Variants in ANO5 observed in about 807,000 individuals in gnomAD.
ANO5 encodes anoctamin 5, also known as anoctamin-5.
ANO5 carries 109 observed loss-of-function variants against 121.0 expected under a neutral mutation model. The observed-to-expected ratio is 0.90, with a 90% CI of 0.77 to 1.06. The LOEUF is 1.06. Ranked by LOEUF, ANO5 falls within the 50% of genes least tolerant of loss-of-function variation. The pLI is 0.00. For missense variants in ANO5, 1,064 were observed against 1,078.5 expected, an observed-to-expected ratio of 0.99 and a Z score of 0.19; for synonymous variants, 406 against 359.9, an observed-to-expected ratio of 1.13 and a Z score of -1.45.
At chr11:22,200,612 A>G (rs1218602746) in intron 1 of ANO5, among the ~76,000 whole-genome samples, 1 of 152,112 alleles carries the variant, frequency 6.6e-6, no homozygotes, top group Non-Finnish European at 1.5e-5. Flanking sequence ...TATAATGACT[A>G]CTAATATAGT....
intron 5 of ANO5, among the ~76,000 whole-genome samples, chr11:22,224,204 G>A (rs955800823): frequency 7.9e-5 from 12 of 151,900 alleles, no homozygotes; most frequent in African/African-American, 2.9e-4. Context: ...TTACACTGAT[G>A]TATTTGATGA....
intron 9 of ANO5, among the ~76,000 whole-genome samples, chr11:22,245,996 AGCT>A (rs1853601470): frequency 6.6e-6 from 1 of 152,098 alleles, no homozygotes; most frequent in African/African-American, 2.4e-5. Context: ...CTGGACCTGA[AGCT>A]TCCTGTGAGT....
intron 1 of ANO5, among the ~76,000 whole-genome samples, chr11:22,197,162 C>G (rs1851838418): frequency 6.6e-6 from 1 of 152,118 alleles, no homozygotes; most frequent in African/African-American, 2.4e-5. Context: ...CTTAATAGAT[C>G]TAAGATTTAT....
At chr11:22,266,919 T>C (rs998346372) in intron 17 of ANO5, among the ~76,000 whole-genome samples, 5 of 152,148 alleles carry the variant, frequency 3.3e-5, no homozygotes, top group African/African-American at 4.8e-5. Context: ...GAGAGTGCAA[T>C]TGTGTCATTG....
In ANO5 at chr11:22,257,738, C is replaced by T; in HGVS notation, c.1391C>T (p.Ala464Val). 1.2e-6 allele frequency: 2 copies of T among 1,611,436 alleles called. No individual in the cohort carries two copies. The highest frequency in any genetic ancestry group is 1.7e-6 in the Non-Finnish European group (2 of 1,177,824). ...ATTCCATGGTACTTTCTTTCAGGAG[C>T]CACAGTGACATTATGGGTGAGCATT... The part of the protein sequence containing the change: ...TRIPWYFLSG[A>V]TVTLWMSLVV... Residue 464 changes from alanine (A) to valine (V), a missense_variant, in exon 14 of 22, where the codon GCC becomes GTC. Transcript: ENST00000324559.
rs1855015876 is a variant in ANO5 at position 22,279,851 on chromosome 11, A to G, written c.*86A>G. The G allele has an allele frequency of 8.9e-7, 1 of 1,128,968 alleles. No individual in the cohort carries two copies. 69.9% of individuals were successfully genotyped at this position (1,128,968 alleles called of 1,614,324 possible). ...GGCCAGACGCCAGAAGCCATGTGTC[A>G]ATTTTACCCTTTCTTTTTTTTTTTT... On this transcript the variant is annotated 3_prime_UTR_variant, in exon 22 of 22. Coordinates refer to ENST00000324559, the MANE Select transcript of ANO5 (RefSeq NM_213599.3).
intron 3 of ANO5, among the ~76,000 whole-genome samples, chr11:22,211,639 A>T (rs1852280098): frequency 6.6e-6 from 1 of 151,842 alleles, no homozygotes; most frequent in Non-Finnish European, 1.5e-5. Context: ...ACTACACTCA[A>T]GTTTCTGAGG....
At chr11:22,194,521 CAG>C (rs781245086) in intron 1 of ANO5, among the ~76,000 whole-genome samples, 2 of 152,088 alleles carry the variant, frequency 1.3e-5, no homozygotes, top group African/African-American at 2.4e-5. Context: ...AGTGTATTTA[CAG>C]AGTTTTGTAA....
chr11:22,193,040 A>T (rs553185385), upstream of ANO5: 2 of 1,021,098 alleles, frequency 2.0e-6, no homozygotes, highest in Non-Finnish European at 2.4e-6. Context: ...GCGTGGAAAC[A>T]GGGACGCAGC....
Position 22,257,682 on chromosome 11 carries a change from G to A in ANO5, c.1335G>A (p.Glu445=), listed in dbSNP as rs1231598963. The A allele has an allele frequency of 6.2e-7, 1 of 1,609,294 alleles. No homozygotes were observed. Among genetic ancestry groups the A allele is most frequent in the South Asian group, 1.1e-5 (1 of 90,972 alleles). ...KHRKLNAVTK[E]MEPYMPLYTR... ...TTGTGATTTCTTCAATATTACAGGAGATGGAACCTTACATGCCTCTATACA... is the reference window on the plus strand; with the variant it reads ...TTGTGATTTCTTCAATATTACAGGAAATGGAACCTTACATGCCTCTATACA... Residue 445 remains glutamate (E), a splice_region_variant and synonymous_variant, in exon 14 of 22, where the codon GAG becomes GAA. Transcript: ENST00000324559.
rs1855101071 is a variant in ANO5 at position 22,282,060 on chromosome 11, C to T, written c.*2295C>T. The T allele has an allele frequency of 6.6e-6, 1 of 152,076 alleles. No individual in the cohort carries two copies. Among genetic ancestry groups the T allele is most frequent in the African/African-American group, 2.4e-5 (1 of 41,424 alleles). The allele number at this position is 152,076 out of a possible 1,614,324, so 9.4% of individuals were successfully genotyped here. On this transcript the variant is annotated 3_prime_UTR_variant, in exon 22 of 22. Transcript: ENST00000324559. ...GCCAAACCAATTCAGATAGATGTGT[C>T]TCATCTAATTAAACCCATTGGTTTT...
Position 22,250,336 on chromosome 11 carries a change from T to C in ANO5, c.978T>C (p.Ile326=). 1 of 1,613,540 alleles carries C rather than the reference T, an allele frequency of 6.2e-7. No individual in the cohort carries two copies. Residue 326 remains isoleucine (I), a synonymous_variant, in exon 10 of 22, where the codon ATT becomes ATC. Coordinates refer to ENST00000324559, the MANE Select transcript of ANO5 (RefSeq NM_213599.3). ...CTGTAGTTGGCTTAGCTTGTTTTATTTATGGCTTATTATCAATGGAACATA... is the reference window on the plus strand; with the variant it reads ...CTGTAGTTGGCTTAGCTTGTTTTATCTATGGCTTATTATCAATGGAACATA... ...FAAVVGLACF[I]YGLLSMEHNT...
At chr11:22,238,242 G>T in intron 8 of ANO5, among the ~76,000 whole-genome samples, 1 of 150,000 alleles carries the variant, frequency 6.7e-6, no homozygotes, top group Non-Finnish European at 1.5e-5. Context: ...ACTTTGCATT[G>T]CATTCTGTCC....
intron 19 of ANO5, 45 bp downstream of exon 19, chr11:22,273,034 G>T (rs753678970): frequency 6.5e-6 from 10 of 1,549,026 alleles, no homozygotes; most frequent in Non-Finnish European, 8.0e-6. Context: ...TTTCATTTTG[G>T]GGGGTGTGGG....
At position 22,250,809 on chromosome 11, in the gene ANO5, A is replaced by G; in HGVS notation, c.1082A>G (p.Asp361Gly). Residue 361 changes from aspartate (D) to glycine (G), a missense_variant, in exon 11 of 22, where the codon GAT becomes GGT. Physicochemically the swap from Asp to Gly is moderately conservative, Grantham distance 94 (BLOSUM62 -1). Coordinates refer to ENST00000324559, the MANE Select transcript of ANO5 (RefSeq NM_213599.3). ...TGCCCACTCTGTGATCAAGTGTGTG[A>G]TTATTGGAGACTAAATAGTACGTGT... ...IMCPLCDQVC[D>G]YWRLNSTCLA... is the part of the protein sequence containing the mutation. 6.2e-7 allele frequency: 1 copy of G among 1,614,044 alleles called. No individual in the cohort carries two copies. The highest frequency in any genetic ancestry group is 8.5e-7 in the Non-Finnish European group (1 of 1,179,938).
At chr11:22,214,759 C>CA (rs1852386206) in intron 3 of ANO5, among the ~76,000 whole-genome samples, 1 of 151,790 alleles carries the variant, frequency 6.6e-6, no homozygotes, top group Non-Finnish European at 1.5e-5. Context: ...CTGCACAGGA[C>CA]AAAAAGCAGG....
upstream of ANO5, chr11:22,192,900 A>G: frequency 1.5e-5 from 13 of 856,636 alleles, no homozygotes; most frequent in Non-Finnish European, 1.8e-5. Flanking sequence ...GCGGCAGAGC[A>G]GGGACCTGGG....
At chr11:22,202,459 A>T (rs201044408) in intron 1 of ANO5, among the ~76,000 whole-genome samples, 1 of 64,714 alleles carries the variant, frequency 1.5e-5, no homozygotes, top group Non-Finnish European at 4.2e-5. Context: ...TAGATTTTTT[A>T]AATTTTTTTT....
At chr11:22,199,236 T>C (rs530153879) in intron 1 of ANO5, among the ~76,000 whole-genome samples, 1 of 152,268 alleles carries the variant, frequency 6.6e-6, no homozygotes, top group East Asian at 1.9e-4. Flanking sequence ...TAGAATAGAA[T>C]AATAACAACA....
Sources: gnomAD v4.1 joint callset for allele counts (sites outside exome capture counted in the v4.1 genomes callset) on GRCh38, gnomAD v4.1.1 for gene constraint, MANE v1.5 for transcripts, NCBI Gene and HGNC (gene_info 2026-07-23, HGNC 2026-07-21) for gene names.